Variants in GSC2 observed in about 807,000 individuals in gnomAD.
GSC2 encodes goosecoid homeobox 2.
GSC2 carries 12 observed loss-of-function variants against 11.3 expected under a neutral mutation model. The ratio of observed to expected loss-of-function variants is 1.06; its 90% CI spans 0.68 to 1.72. GSC2 has a LOEUF of 1.72. GSC2 is among the 40% of genes most tolerant of loss of function. The pLI is 0.00. For synonymous variants in GSC2, 148 were observed against 110.0 expected, an observed-to-expected ratio of 1.35 and a Z score of -2.16; for missense variants, 310 against 235.7, an observed-to-expected ratio of 1.32 and a Z score of -2.06.
Position 19,150,116 on chromosome 22 carries a change from G to A in GSC2, c.168C>T (p.Pro56=). Residue 56 remains proline (P), a synonymous_variant, in exon 1 of 3, where the codon CCC becomes CCT. Coordinates refer to ENST00000086933, the MANE Select transcript of GSC2 (RefSeq NM_005315.2). ...CGCAGGGCGCAGCCTCGGGCGCCCC[G>A]GGCTCCTCTGGCTTCGCGGGGCTCT... ...GRQSPAKPEE[P]GAPEAAPCAC... is the part of the protein sequence containing the mutation. The A allele has an allele frequency of 1.0e-6, 1 of 991,486 alleles. No individual in the cohort carries two copies. The highest frequency in any genetic ancestry group is 4.5e-5 in the South Asian group (1 of 22,018). The allele number at this position is 991,486 out of a possible 1,614,324, so 61.4% of individuals were successfully genotyped here. A position where few individuals can be genotyped will look rare whatever the true frequency, so the allele number is the denominator to read the frequency against.
chr22:19,149,575 C>G lies in GSC2; in HGVS notation c.513+88G>C, dbSNP rs1204879112. On this transcript the variant is annotated intron_variant, in intron 2 of 2. Coordinates refer to ENST00000086933, the MANE Select transcript of GSC2 (RefSeq NM_005315.2). The stretch of plus-strand genomic sequence containing the variant: ...AGGGCGGGGCTTGGGCCGAGGCCGT[C>G]TTTGCAAAGGGCGCCCGCCCGCCAG... 6 of 1,352,468 alleles carry G rather than the reference C, an allele frequency of 4.4e-6. No individual in the cohort carries two copies. In the African/African-American group the frequency reaches 7.7e-5, roughly 17 times the overall value. The allele number at this position is 1,352,468 out of a possible 1,614,324, so 83.8% of individuals were successfully genotyped here. A position where few individuals can be genotyped will look rare whatever the true frequency, so the allele number is the denominator to read the frequency against.
In GSC2 at chr22:19,147,811, T is replaced by G. The variant is rs2083800793; in HGVS notation, c.*1180A>C. Among the ~76,000 whole-genome samples the G allele has an allele frequency of 6.6e-6, 1 of 152,062 alleles. No individual in the cohort carries two copies. The highest frequency in any genetic ancestry group is 2.4e-5 in the African/African-American group (1 of 41,398). On this transcript the variant is annotated 3_prime_UTR_variant, in exon 3 of 3. Coordinates refer to ENST00000086933, the MANE Select transcript of GSC2 (RefSeq NM_005315.2). ...GCAGTCCTGCTTTTAGAGATGGACT[T>G]CATCTCTTGCAGGTAGAATGGCCCC...
chr22:19,150,163 G>A lies in GSC2; in HGVS notation c.121C>T (p.Pro41Ser). 2.6e-6 allele frequency: 2 copies of A among 759,536 alleles called. No homozygotes were observed. The highest frequency in any genetic ancestry group is 3.3e-6 in the Non-Finnish European group (2 of 611,368). The allele number at this position is 759,536 out of a possible 1,614,324, so 47.0% of individuals were successfully genotyped here. Residue 41 changes from proline (P) to serine (S), a missense_variant, in exon 1 of 3, where the codon CCA (proline) becomes TCA (serine). By Grantham distance (74) the Pro-to-Ser change is moderately conservative (BLOSUM62 -1). Coordinates refer to ENST00000086933, the MANE Select transcript of GSC2 (RefSeq NM_005315.2). ...CTCTGGCGACCGGCGGGCTGCGGTG[G>A]GCAGGCGGCCCGGGCCGGGAGGCTC... ...ERSLPARAAC[P>S]PQPAGRQSPA...
chr22:19,147,170 C>T lies in GSC2; in HGVS notation c.*1821G>A, dbSNP rs1218482838. 3.9e-5 allele frequency among the ~76,000 whole-genome samples: 6 copies of T among 152,038 alleles called. No homozygotes were observed. The highest frequency in any genetic ancestry group is 7.4e-5 in the Non-Finnish European group (5 of 68,008). ...GAAGAGCTCACTGTGGACAAGGTGACCTTAAGGAGTCTGTGGGCTTCAAGG... is the reference window on the plus strand; with the variant it reads ...GAAGAGCTCACTGTGGACAAGGTGATCTTAAGGAGTCTGTGGGCTTCAAGG... On this transcript the variant is annotated 3_prime_UTR_variant, in exon 3 of 3. Coordinates refer to ENST00000086933, the MANE Select transcript of GSC2 (RefSeq NM_005315.2).
In GSC2 at chr22:19,150,125, T is replaced by C. The variant is rs1384628241; in HGVS notation, c.159A>G (p.Pro53=). The C allele has an allele frequency of 3.1e-6, 3 of 976,812 alleles. No individual in the cohort carries two copies. Among genetic ancestry groups the C allele is most frequent in the African/African-American group, 1.8e-5 (1 of 56,528 alleles). The allele number at this position is 976,812 out of a possible 1,614,324, so 60.5% of individuals were successfully genotyped here. The change falls in exon 1 of 3, where the codon CCA becomes CCG. Residue 53 remains proline (P), a synonymous_variant. Transcript: ENST00000086933. The part of the protein sequence containing the change: ...QPAGRQSPAK[P]EEPGAPEAAP... ...CAGCCTCGGGCGCCCCGGGCTCCTC[T>C]GGCTTCGCGGGGCTCTGGCGACCGG...
Position 19,150,204 on chromosome 22 carries a change from G to A in GSC2, c.80C>T (p.Ser27Phe). Reference sequence around the variant, plus strand: ...CGGGAGGCTCCGCTCGGGCAGGCTGGAGAGGATGTGCTCGATGGAGAAGGG... The same window carrying A: ...CGGGAGGCTCCGCTCGGGCAGGCTGAAGAGGATGTGCTCGATGGAGAAGGG... The part of the protein sequence containing the change: ...PCPFSIEHIL[S>F]SLPERSLPAR... Residue 27 changes from serine (S) to phenylalanine (F), a missense_variant, in exon 1 of 3, where the codon TCC becomes TTC. Transcript: ENST00000086933. 2.4e-6 allele frequency: 1 copy of A among 423,210 alleles called. No homozygotes were observed. Among genetic ancestry groups the A allele is most frequent in the Non-Finnish European group, 3.4e-6 (1 of 293,432 alleles). The allele number at this position is 423,210 out of a possible 1,614,324, so 26.2% of individuals were successfully genotyped here.
chr22:19,147,246 G>A lies in GSC2; in HGVS notation c.*1745C>T, dbSNP rs1232656029. On this transcript the variant is annotated 3_prime_UTR_variant, in exon 3 of 3. Coordinates refer to ENST00000086933, the MANE Select transcript of GSC2 (RefSeq NM_005315.2). ...TCAGGGGAAGTGCCTGGCTTGAGAT[G>A]TAAATGTGGCAGAAAGATGGGAATT... 6.6e-6 allele frequency among the ~76,000 whole-genome samples: 1 copy of A among 152,164 alleles called. No homozygotes were observed. The highest frequency in any genetic ancestry group is 1.5e-5 in the Non-Finnish European group (1 of 68,022).
chr22:19,148,714 T>G lies in GSC2; in HGVS notation c.*277A>C. The G allele has an allele frequency of 2.4e-6, 1 of 425,410 alleles. No homozygotes were observed. The highest frequency in any genetic ancestry group is 4.2e-6 in the Non-Finnish European group (1 of 238,780). 26.4% of individuals were successfully genotyped at this position (425,410 alleles called of 1,614,324 possible). On this transcript the variant is annotated 3_prime_UTR_variant, in exon 3 of 3. Coordinates refer to ENST00000086933, the MANE Select transcript of GSC2 (RefSeq NM_005315.2). ...GGGTGGTTCCCCTCCTGCGGTGGAG[T>G]TAGTGTCTCTCGGGGGGTAGGGAGC...
In GSC2 at chr22:19,149,774, G is replaced by A. The variant is rs1250705040; in HGVS notation, c.402C>T (p.Ser134=). 1 of 1,595,274 alleles carries A rather than the reference G, an allele frequency of 6.3e-7. No individual in the cohort carries two copies. The highest frequency in any genetic ancestry group is 8.5e-7 in the Non-Finnish European group (1 of 1,172,776). The change falls in exon 2 of 3, where the codon AGC becomes AGT. Residue 134 remains serine, a synonymous_variant. Coordinates refer to ENST00000086933, the MANE Select transcript of GSC2 (RefSeq NM_005315.2). Reference sequence around the variant, plus strand: ...CCTCGAGCGCCTGCAGCTGCTCTTCGCTGAAGATGGTGCGGTGGCGCCTCG... The same window carrying A: ...CCTCGAGCGCCTGCAGCTGCTCTTCACTGAAGATGGTGCGGTGGCGCCTCG... ...RRTRRHRTIF[S]EEQLQALEAL...
rs1442313182 is a variant in GSC2, at chr22:19,148,706, CGGTGGAGTTAGTGTCTCTCGGGG to C, written c.*262_*284del. 169 of 406,278 alleles carry C rather than the reference CGGTGGAGTTAGTGTCTCTCGGGG, an allele frequency of 4.2e-4. 1 individual carries two copies. The highest frequency in any genetic ancestry group is 2.5e-3 in the Middle Eastern group (4 of 1,576). The allele number at this position is 406,278 out of a possible 1,614,324, so 25.2% of individuals were successfully genotyped here. ...TTGATACGGGGTGGTTCCCCTCCTG[CGGTGGAGTTAGTGTCTCTCGGGG>C]GGTAGGGAGCTGAGGAAACTGCTCT... On this transcript the variant is annotated 3_prime_UTR_variant, in exon 3 of 3. Coordinates refer to ENST00000086933, the MANE Select transcript of GSC2 (RefSeq NM_005315.2).
At position 19,149,567 on chromosome 22, in the gene GSC2, G is replaced by T; in HGVS notation, c.513+96C>A. The T allele has an allele frequency of 1.4e-5, 18 of 1,306,600 alleles. No individual in the cohort carries two copies. The South Asian group carries it at 3.0e-4, about 22-fold the overall frequency. The allele number at this position is 1,306,600 out of a possible 1,614,324, so 80.9% of individuals were successfully genotyped here. On this transcript the variant is annotated intron_variant, in intron 2 of 2. Transcript: ENST00000086933. ...GGCGCGCCAGGGCGGGGCTTGGGCCGAGGCCGTCTTTGCAAAGGGCGCCCG... is the reference window on the plus strand; with the variant it reads ...GGCGCGCCAGGGCGGGGCTTGGGCCTAGGCCGTCTTTGCAAAGGGCGCCCG...
In GSC2 at chr22:19,149,909, AC is replaced by A; in HGVS notation, c.266del (p.Arg89LeufsTer6). Reference sequence around the variant, plus strand: ...GTCCCAGCCTCAGCGGCCACGCCAGACGAGCGCCTGCGGAGCGAGGGCGCGG... The same window carrying A: ...GTCCCAGCCTCAGCGGCCACGCCAGAGAGCGCCTGCGGAGCGAGGGCGCGG... ...PPEAAAGLGA[R>X]LAWPLRLGPA... On this transcript the variant is annotated frameshift_variant, in exon 2 of 3. Transcript: ENST00000086933. LOFTEE classifies it high-confidence loss of function. The A allele has an allele frequency of 7.4e-7, 1 of 1,349,932 alleles. No homozygotes were observed. The highest frequency in any genetic ancestry group is 9.5e-7 in the Non-Finnish European group (1 of 1,057,180). The allele number at this position is 1,349,932 out of a possible 1,614,324, so 83.6% of individuals were successfully genotyped here. A position where few individuals can be genotyped will look rare whatever the true frequency, so the allele number is the denominator to read the frequency against.
At chr22:19,149,438 A>G (rs2083813564) in intron 2 of GSC2, among the ~76,000 whole-genome samples, 1 of 152,210 alleles carries the variant, frequency 6.6e-6, no homozygotes, top group South Asian at 2.1e-4. Flanking sequence ...AAAACAAAAG[A>G]AAAGAAAAGT....
rs1569119570 is a variant in GSC2 at position 19,149,157 on chromosome 22, G to GT, written c.514-63dup. On this transcript the variant is annotated intron_variant, in intron 2 of 2. Transcript: ENST00000086933. The stretch of plus-strand genomic sequence containing the variant: ...TCCTGCGTCCCACCGGCTCCCGAGG[G>GT]TCCCACAGGGACCGAGAGGGGAGCT... 3 of 1,022,298 alleles carry GT rather than the reference G, an allele frequency of 2.9e-6. No individual in the cohort carries two copies. In the Admixed American group the frequency reaches 8.5e-5, roughly 29 times the overall value. The allele number at this position is 1,022,298 out of a possible 1,614,324, so 63.3% of individuals were successfully genotyped here.
Position 19,149,004 on chromosome 22 carries a change from T to G in GSC2, c.605A>C (p.Lys202Thr). The change falls in exon 3 of 3, where the codon AAG becomes ACG. Residue 202 changes from lysine (K) to threonine (T), a missense_variant. By Grantham distance (78) the Lys-to-Thr change is moderately conservative (BLOSUM62 -1). Coordinates refer to ENST00000086933, the MANE Select transcript of GSC2 (RefSeq NM_005315.2). Reference sequence around the variant, plus strand: ...CTCCTAGAGTCATCAGCAGCTCCCCTTCGGGGACTTCTTGACGCCGGGCAG... The same window carrying G: ...CTCCTAGAGTCATCAGCAGCTCCCCGTCGGGGACTTCTTGACGCCGGGCAG... ...RLLPGVKKSP[K>T]GSC The G allele has an allele frequency of 6.3e-7, 1 of 1,593,840 alleles. No homozygotes were observed. The highest frequency in any genetic ancestry group is 1.3e-5 in the African/African-American group (1 of 74,624).
At chr22:19,149,230 C>A (rs960431242) in intron 2 of GSC2, 135 bp from the exon 3 acceptor site, 3 of 577,328 alleles carry the variant, frequency 5.2e-6, no homozygotes, top group Non-Finnish European at 6.0e-6. Flanking sequence ...GACACCCGGG[C>A]CGCGGCTGCG....
rs889160386 is a variant in GSC2 at position 19,149,679 on chromosome 22, C to T, written c.497G>A (p.Arg166His). The change falls in exon 2 of 3, where the codon CGC becomes CAC. Residue 166 changes from arginine (R) to histidine (H), a missense_variant. Coordinates refer to ENST00000086933, the MANE Select transcript of GSC2 (RefSeq NM_005315.2). ...RERLAGRIRL[R>H]EERVEVWFKN... ...GGCACTCACCTCCACGCGCTCCTCG[C>T]GAAGGCGGATGCGGCCGGCCAGGCG... is the stretch of plus-strand genomic sequence containing the variant. 4.5e-6 allele frequency: 7 copies of T among 1,555,958 alleles called. No individual in the cohort carries two copies. Among genetic ancestry groups the T allele is most frequent in the Non-Finnish European group, 6.1e-6 (7 of 1,155,154 alleles).
intron 2 of GSC2, 76 bp from the exon 3 acceptor site, chr22:19,149,171 G>T: frequency 1.1e-6 from 1 of 887,622 alleles, no homozygotes; most frequent in Non-Finnish European, 1.7e-6. Flanking sequence ...CACAGGGACC[G>T]AGAGGGGAGC....
Position 19,149,107 on chromosome 22 carries a change from G to A in GSC2, c.514-12C>T. ...TTCTTGAACCAGACCTGGGGATGGG[G>A]GGAATGCTCAGCCCTAGCCCCAGGT... On this transcript the variant is annotated splice_polypyrimidine_tract_variant and intron_variant, in intron 2 of 2. Transcript: ENST00000086933. The A allele has an allele frequency of 2.0e-6, 3 of 1,521,886 alleles. No homozygotes were observed. In the East Asian group the frequency reaches 7.1e-5, roughly 36 times the overall value. The allele number at this position is 1,521,886 out of a possible 1,614,324, so 94.3% of individuals were successfully genotyped here.
Sources: gnomAD v4.1 joint callset for allele counts (sites outside exome capture counted in the v4.1 genomes callset) on GRCh38, gnomAD v4.1.1 for gene constraint, MANE v1.5 for transcripts, NCBI Gene and HGNC (gene_info 2026-07-23, HGNC 2026-07-21) for gene names.